RAB19: variants seen among roughly 807,000 people sequenced by gnomAD.
RAB19 encodes RAB19, member RAS oncogene family, also known as ras-related protein Rab-19.
A neutral mutation model predicts 17.3 loss-of-function variants in RAB19; 21 were observed. The observed-to-expected ratio is 1.21, with a 90% CI of 0.86 to 1.74. The LOEUF (loss-of-function observed/expected upper bound fraction) is 1.74, where lower values mean the gene tolerates loss of function less well. Ranked by LOEUF, RAB19 falls within the 40% of genes most tolerant of loss-of-function variation. The probability of loss-of-function intolerance (pLI) is 0.00; values close to 1 mark genes in which losing one functional copy is unlikely to be tolerated. For synonymous variants in RAB19, 126 were observed against 110.4 expected (o/e 1.14, Z -0.88); for missense variants, 277 against 286.8 (o/e 0.97, Z 0.25).
At chr7:140,417,403 TAAA>T in intron 3 of RAB19, among the ~76,000 whole-genome samples, 1 of 143,628 alleles carries the variant, frequency 7.0e-6, no homozygotes, top group South Asian at 2.2e-4. Flanking sequence ...CCCTATCTCT[TAAA>T]AAAAAAAAAA....
intron 3 of RAB19, among the ~76,000 whole-genome samples, chr7:140,420,595 G>C (rs936417193): frequency 6.6e-6 from 1 of 152,032 alleles, no homozygotes; most frequent in African/African-American, 2.4e-5. Flanking sequence ...GCAGTGGGGT[G>C]CTCAAAAGCC....
At chr7:140,413,428 G>A (rs76428943) in intron 3 of RAB19, among the ~76,000 whole-genome samples, 5,761 of 151,754 alleles carry the variant, frequency 0.038, 126 homozygotes, top group Non-Finnish European at 0.044. Context: ...ATGTCTTTGG[G>A]CCAGGCACGG....
intron 3 of RAB19, among the ~76,000 whole-genome samples, chr7:140,416,859 G>A (rs766541462): frequency 3.9e-5 from 6 of 152,094 alleles, no homozygotes; most frequent in Non-Finnish European, 1.5e-5. Context: ...GGAAGTTGAG[G>A]TGGGAAGATT....
intron 1 of RAB19, among the ~76,000 whole-genome samples, chr7:140,404,669 G>A (rs1353745209): frequency 6.6e-6 from 1 of 152,126 alleles, no homozygotes; most frequent in Non-Finnish European, 1.5e-5. Flanking sequence ...AAAGTAAAAC[G>A]GAGAGGTGAA....
chr7:140,410,079 A>G (rs567606172), intron 2 of RAB19, among the ~76,000 whole-genome samples: 12 of 151,718 alleles, frequency 7.9e-5, no homozygotes, highest in Non-Finnish European at 1.6e-4. Flanking sequence ...GGCTAGATGA[A>G]GCAAGTAACA....
chr7:140,425,986 G>C lies in RAB19; in HGVS notation c.490G>C (p.Glu164Gln), dbSNP rs1799660249. Residue 164 changes from glutamate to glutamine, a missense_variant, in exon 4 of 4, where the codon GAG becomes CAG. Glu to Gln is a conservative substitution (Grantham distance 29). Transcript: ENST00000537763. ...LLAVLETSAKESKNIEEVFVL... is the reference protein window; with the variant it reads ...LLAVLETSAKQSKNIEEVFVL... ...GGCCGTTTTGGAGACATCTGCCAAG[G>C]AGTCAAAGAACATAGAAGAAGTCTT... 1 of 1,614,148 alleles carries C rather than the reference G, an allele frequency of 6.2e-7. No homozygotes were observed. The highest frequency in any genetic ancestry group is 8.5e-7 in the Non-Finnish European group (1 of 1,180,016).
At chr7:140,411,122 G>C in intron 2 of RAB19, 8 of 1,366,718 alleles carry the variant, frequency 5.9e-6, no homozygotes, top group Non-Finnish European at 7.8e-6. Context: ...CCTCTCGGCC[G>C]GGCGCAGTGG....
intron 2 of RAB19, among the ~76,000 whole-genome samples, 197 bp downstream of exon 2, chr7:140,408,044 A>AT (rs35586721): frequency 0.16 from 23,454 of 142,216 alleles, 2,114 homozygotes; most frequent in African/African-American, 0.25. Flanking sequence ...CGCCCGGCAA[A>AT]TTTTTTTTTT....
In RAB19 at chr7:140,427,474, A is replaced by G. The variant is rs1302141585; in HGVS notation, c.*1324A>G. Among the ~76,000 whole-genome samples, 2 of 115,572 alleles carry G rather than the reference A, an allele frequency of 1.7e-5. No individual in the cohort carries two copies. Among genetic ancestry groups the G allele is most frequent in the African/African-American group, 6.7e-5 (2 of 29,818 alleles). The allele number at this position is 115,572 out of a possible 152,430, so 75.8% of individuals were successfully genotyped here. Reference sequence around the variant, plus strand: ...GCCCTTTTTTTTTTTTTTTTGAGACAGAGTTTCGCTCTTGTTGCCCAGGCT... The same window carrying G: ...GCCCTTTTTTTTTTTTTTTTGAGACGGAGTTTCGCTCTTGTTGCCCAGGCT... On this transcript the variant is annotated 3_prime_UTR_variant, in exon 4 of 4. Transcript: ENST00000537763.
chr7:140,405,211 TTTTGTTTG>T (rs61483734), intron 1 of RAB19, among the ~76,000 whole-genome samples: 2 of 150,180 alleles, frequency 1.3e-5, no homozygotes, highest in Admixed American at 6.7e-5. Context: ...GGTTTTGTGT[TTTTGTTTG>T]TTTGTTTGTT....
rs564143161 is a variant in RAB19 at position 140,407,837 on chromosome 7, A to C, written c.191A>C (p.Lys64Thr). ...FTVRSLDIDG[K>T]KVKMQVWDTA... is the part of the protein sequence containing the mutation. ...GTGCGTTCCCTTGATATTGACGGCA[A>C]AAAAGTGAAGGTCAGAGGGCACCGG... The change falls in exon 2 of 4, where the codon AAA (lysine) becomes ACA (threonine). Residue 64 changes from lysine (K) to threonine (T), a missense_variant. Transcript: ENST00000537763. 6.0e-5 allele frequency: 97 copies of C among 1,612,576 alleles called. No homozygotes were observed. In the South Asian group the frequency reaches 1.0e-3, roughly 17 times the overall value.
At chr7:140,414,802 G>A (rs1799425848) in intron 3 of RAB19, among the ~76,000 whole-genome samples, 1 of 152,094 alleles carries the variant, frequency 6.6e-6, no homozygotes, top group Non-Finnish European at 1.5e-5. Context: ...CACTTTATCA[G>A]CACAGGAATG....
chr7:140,424,693 A>G (rs1246037491), intron 3 of RAB19, among the ~76,000 whole-genome samples: 2 of 147,804 alleles, frequency 1.4e-5, no homozygotes, highest in African/African-American at 5.0e-5. Context: ...ACACATATCT[A>G]TATATACATA....
At chr7:140,416,218 C>T (rs372203327) in intron 3 of RAB19, among the ~76,000 whole-genome samples, 2 of 152,044 alleles carry the variant, frequency 1.3e-5, no homozygotes, top group African/African-American at 4.8e-5. Flanking sequence ...ATCCCAGCTA[C>T]TCAGAAGGCT....
At chr7:140,411,530 T>C (rs1799361198) in intron 2 of RAB19, among the ~76,000 whole-genome samples, 1 of 133,044 alleles carries the variant, frequency 7.5e-6, no homozygotes, top group Non-Finnish European at 1.6e-5. Flanking sequence ...TAATGATACC[T>C]GATGAGCTAA....
intron 1 of RAB19, 129 bp from the exon 2 acceptor site, chr7:140,407,495 G>A: frequency 1.5e-6 from 1 of 647,144 alleles, no homozygotes. Context: ...CAACTCCTCT[G>A]TGCCCGACTA....
rs398067341 is a variant in RAB19 at position 140,426,839 on chromosome 7, C to CTTTTTTTTTTTTTTT, written c.*695_*709dup. 8.1e-6 allele frequency among the ~76,000 whole-genome samples: 1 copy of CTTTTTTTTTTTTTTT among 124,028 alleles called. No individual in the cohort carries two copies. 81.4% of individuals were successfully genotyped at this position (124,028 alleles called of 152,430 possible). On this transcript the variant is annotated 3_prime_UTR_variant, in exon 4 of 4. Coordinates refer to ENST00000537763, the MANE Select transcript of RAB19 (RefSeq NM_001008749.3). ...AAGACACCTGCAATTTTTTTTCTTT[C>CTTTTTTTTTTTTTTT]TTTTTTTTTTTTTTTTTTTTGAGAC... is the stretch of plus-strand genomic sequence containing the variant.
At chr7:140,411,828 C>G (rs371227067) in intron 2 of RAB19, 46 bp from the exon 3 acceptor site, 85 of 1,613,952 alleles carry the variant, frequency 5.3e-5, no homozygotes, top group Admixed American at 8.3e-5. Context: ...GTTCCCATTA[C>G]CTGTGGGAAC....
chr7:140,405,985 G>C (rs1585410647), intron 1 of RAB19, among the ~76,000 whole-genome samples: 1 of 152,016 alleles, frequency 6.6e-6, no homozygotes, highest in African/African-American at 2.4e-5. Flanking sequence ...GCTCATGCCT[G>C]TAATCCCAAC....
Sources: gnomAD v4.1 joint callset for allele counts (sites outside exome capture counted in the v4.1 genomes callset) on GRCh38, gnomAD v4.1.1 for gene constraint, MANE v1.5 for transcripts, NCBI Gene and HGNC (gene_info 2026-07-23, HGNC 2026-07-21) for gene names.